The following MAGI2 variants were observed in gnomAD, a reference collection of about 807,000 sequenced individuals.
MAGI2 encodes membrane-associated guanylate kinase, WW and PDZ domain-containing protein 2.
MAGI2 carries 35 observed loss-of-function variants against 133.3 expected under a neutral mutation model. That is an observed-to-expected ratio of 0.26 (90% CI 0.20 to 0.35). MAGI2 has a LOEUF of 0.35. MAGI2 is among the 10% of genes least tolerant of loss of function. The pLI is 1.00. For synonymous variants in MAGI2, 729 were observed against 710.6 expected (o/e 1.03, Z -0.41); for missense variants, 1,636 against 1,863.4 (o/e 0.88, Z 2.25).
chr7:78,878,759 G>A (rs1229205666), intron 2 of MAGI2, among the ~76,000 whole-genome samples: 2 of 152,154 alleles, frequency 1.3e-5, no homozygotes, highest in Non-Finnish European at 2.9e-5. Flanking sequence ...ACAAAATCGT[G>A]GTGCAGTGGG....
At chr7:79,433,549 T>C (rs1847932670) in intron 1 of MAGI2, among the ~76,000 whole-genome samples, 1 of 149,686 alleles carries the variant, frequency 6.7e-6, no homozygotes, top group African/African-American at 2.5e-5. Flanking sequence ...CAAGACTCTG[T>C]CTCAAAAAAA....
In MAGI2 at chr7:78,450,581, G is replaced by T. The variant is rs115589206; in HGVS notation, c.1045+39180C>A. On this transcript the variant is annotated intron_variant, in intron 6 of 21. Coordinates refer to ENST00000354212, the MANE Select transcript of MAGI2 (RefSeq NM_012301.4). ...CTTCTAGGAGTTGAAAACATTCTTAGGAAGACTGTGTGATTAAAACAGGTC... is the reference window on the plus strand; with the variant it reads ...CTTCTAGGAGTTGAAAACATTCTTATGAAGACTGTGTGATTAAAACAGGTC... 3.9e-3 allele frequency among the ~76,000 whole-genome samples: 588 copies of T among 152,192 alleles called. 5 individuals are homozygous for T. The highest frequency in any genetic ancestry group is 0.014 in the African/African-American group (561 of 41,550).
chr7:78,191,421 G>T (rs942935455), intron 12 of MAGI2, among the ~76,000 whole-genome samples: 4 of 152,256 alleles, frequency 2.6e-5, no homozygotes, highest in African/African-American at 9.6e-5. Flanking sequence ...TTGTGTAATG[G>T]AGCCTTGTTC....
At chr7:79,051,600 G>A (rs1438581429) in intron 1 of MAGI2, among the ~76,000 whole-genome samples, 1 of 151,930 alleles carries the variant, frequency 6.6e-6, no homozygotes, top group Non-Finnish European at 1.5e-5. Context: ...ATAAAAATCA[G>A]GGAAAAACCT....
intron 21 of MAGI2, among the ~76,000 whole-genome samples, chr7:78,077,124 T>C (rs1489398110): frequency 2.6e-5 from 4 of 152,130 alleles, no homozygotes; most frequent in Non-Finnish European, 4.4e-5. Context: ...AGGATAGTCA[T>C]GCAGGTTAGA....
intron 2 of MAGI2, among the ~76,000 whole-genome samples, chr7:78,895,514 T>C (rs932592255): frequency 1.7e-5 from 2 of 119,278 alleles, no homozygotes; most frequent in South Asian, 3.6e-4. Context: ...AATGTTTATG[T>C]AGAGCTTTAA....
At chr7:78,204,425 T>A (rs1180473606) in intron 10 of MAGI2, among the ~76,000 whole-genome samples, 2 of 152,158 alleles carry the variant, frequency 1.3e-5, no homozygotes, top group African/African-American at 4.8e-5. Context: ...GGAACAGAGA[T>A]ACAGAAAACC....
At chr7:78,853,946 T>C (rs879889914) in intron 2 of MAGI2, among the ~76,000 whole-genome samples, 1 of 118,786 alleles carries the variant, frequency 8.4e-6, no homozygotes, top group Non-Finnish European at 1.9e-5. Flanking sequence ...ACTGCTGTTA[T>C]GTTGATATGT....
intron 16 of MAGI2, among the ~76,000 whole-genome samples, chr7:78,159,529 C>T (rs1016446663): frequency 2.0e-5 from 3 of 152,176 alleles, no homozygotes; most frequent in Non-Finnish European, 4.4e-5. Flanking sequence ...CCTTGCTCCC[C>T]GTACTACAGC....
chr7:78,135,357 G>A, intron 16 of MAGI2, 151 bp from the exon 17 acceptor site: 1 of 693,764 alleles, frequency 1.4e-6, no homozygotes. Flanking sequence ...ATCAAATGGG[G>A]TCCTGTGCAT....
At chr7:78,899,752 T>C (rs1797470606) in intron 2 of MAGI2, among the ~76,000 whole-genome samples, 2 of 152,144 alleles carry the variant, frequency 1.3e-5, no homozygotes, top group African/African-American at 2.4e-5. Flanking sequence ...TCCAAGATGA[T>C]TCTGTCATAT....
chr7:79,072,275 A>G (rs1484189057), intron 1 of MAGI2, among the ~76,000 whole-genome samples: 1 of 152,198 alleles, frequency 6.6e-6, no homozygotes, highest in Non-Finnish European at 1.5e-5. Flanking sequence ...CAATTTTTCT[A>G]TATAAACCTG....
intron 1 of MAGI2, among the ~76,000 whole-genome samples, chr7:79,371,619 T>C (rs1179952181): frequency 6.6e-6 from 1 of 152,170 alleles, no homozygotes; most frequent in Non-Finnish European, 1.5e-5. Flanking sequence ...TCATATATAA[T>C]AGCGTACATA....
At chr7:78,519,144 A>C (rs1308794205) in intron 4 of MAGI2, 1 of 152,022 alleles carries the variant, frequency 6.6e-6, no homozygotes, top group Non-Finnish European at 1.5e-5. Flanking sequence ...AAAAAAAAAA[A>C]AAAACCAATG....
At chr7:79,369,392 T>G (rs1319471357) in intron 1 of MAGI2, among the ~76,000 whole-genome samples, 1 of 152,182 alleles carries the variant, frequency 6.6e-6, no homozygotes, top group African/African-American at 2.4e-5. Flanking sequence ...CCAAGGAACA[T>G]ACATGATTCA....
chr7:79,099,811 C>CT (rs890042601), intron 1 of MAGI2, among the ~76,000 whole-genome samples: 1 of 151,906 alleles, frequency 6.6e-6, no homozygotes, highest in South Asian at 2.1e-4. Flanking sequence ...TGATCTTGTC[C>CT]TTTTTTTTGG....
chr7:79,230,802 T>A (rs955441484), intron 1 of MAGI2, among the ~76,000 whole-genome samples: 39 of 151,624 alleles, frequency 2.6e-4, no homozygotes, highest in African/African-American at 7.5e-4. Context: ...TTTAATTAGA[T>A]CCCATTTGTC....
At chr7:78,789,813 T>C (rs1827118858) in intron 2 of MAGI2, among the ~76,000 whole-genome samples, 1 of 152,196 alleles carries the variant, frequency 6.6e-6, no homozygotes, top group African/African-American at 2.4e-5. Flanking sequence ...TAGCTCTTTT[T>C]AGTTAGCATA....
At chr7:78,338,629 T>C (rs1470953179) in intron 9 of MAGI2, among the ~76,000 whole-genome samples, 1 of 152,232 alleles carries the variant, frequency 6.6e-6, no homozygotes, top group Non-Finnish European at 1.5e-5. Context: ...TGAATTGAAC[T>C]GAAGAGCCAT....
Sources: allele counts gnomAD v4.1 joint callset (sites outside exome capture counted in the v4.1 genomes callset), GRCh38; gene constraint gnomAD v4.1.1; transcripts MANE v1.5; gene names NCBI Gene and HGNC (gene_info 2026-07-23, HGNC 2026-07-21).